Variants in KCNJ3 observed in about 807,000 individuals in gnomAD.
The protein encoded by KCNJ3 is G protein-activated inward rectifier potassium channel 1.
Under a neutral mutation model 39.2 loss-of-function variants are expected in KCNJ3, and 4 were observed. The observed-to-expected ratio is 0.10, with a 90% CI of 0.05 to 0.23. The LOEUF is 0.23. KCNJ3 is among the 10% of genes least tolerant of loss of function. The pLI, the probability that KCNJ3 is intolerant of heterozygous loss-of-function variation, is 1.00. For synonymous variants in KCNJ3, 230 were observed against 237.4 expected, an observed-to-expected ratio of 0.97 and a Z score of 0.29; for missense variants, 276 against 634.9, an observed-to-expected ratio of 0.43 and a Z score of 6.08.
At chr2:154,807,524 G>A (rs569338442) in intron 2 of KCNJ3, among the ~76,000 whole-genome samples, 28 of 152,286 alleles carry the variant, frequency 1.8e-4, no homozygotes, top group African/African-American at 6.5e-4. Context: ...GAGAACAGCA[G>A]TCTGACCTAT....
At chr2:154,848,655 A>AATT (rs1687703595) in intron 2 of KCNJ3, among the ~76,000 whole-genome samples, 1 of 152,172 alleles carries the variant, frequency 6.6e-6, no homozygotes. Flanking sequence ...TATCTCATAA[A>AATT]ATTATTCCAA....
chr2:154,826,532 TAA>T (rs1262666853), intron 2 of KCNJ3, among the ~76,000 whole-genome samples: 5 of 152,242 alleles, frequency 3.3e-5, no homozygotes, highest in Non-Finnish European at 5.9e-5. Context: ...TTCACATATA[TAA>T]TTTACTAAAA....
chr2:154,738,160 A>C (rs1471199109), intron 2 of KCNJ3, among the ~76,000 whole-genome samples: 1 of 152,114 alleles, frequency 6.6e-6, no homozygotes, highest in Non-Finnish European at 1.5e-5. Context: ...GTTAAGTGAA[A>C]CGAGCCAGGC....
intron 2 of KCNJ3, among the ~76,000 whole-genome samples, chr2:154,760,229 A>G (rs371673446): frequency 6.6e-6 from 1 of 152,104 alleles, no homozygotes; most frequent in South Asian, 2.1e-4. Context: ...CATTTTTCTG[A>G]TCCTAGTAAA....
chr2:154,723,796 A>AAATTTATT (rs1384154887), intron 2 of KCNJ3, among the ~76,000 whole-genome samples: 1 of 152,166 alleles, frequency 6.6e-6, no homozygotes, highest in Admixed American at 6.5e-5. Context: ...AAAAATACAA[A>AAATTTATT]AATTTATTTT....
At chr2:154,729,736 A>G (rs1685419817) in intron 2 of KCNJ3, among the ~76,000 whole-genome samples, 1 of 152,244 alleles carries the variant, frequency 6.6e-6, no homozygotes. Context: ...TACAGACTAC[A>G]TAAATCAATT....
At chr2:154,777,480 T>A (rs73005225) in intron 2 of KCNJ3, among the ~76,000 whole-genome samples, 1 of 152,326 alleles carries the variant, frequency 6.6e-6, no homozygotes, top group African/African-American at 2.4e-5. Flanking sequence ...CTTATCTTCC[T>A]TTTCTATCAA....
At chr2:154,712,696 G>C (rs997921817) in intron 2 of KCNJ3, among the ~76,000 whole-genome samples, 1 of 152,072 alleles carries the variant, frequency 6.6e-6, no homozygotes, top group African/African-American at 2.4e-5. Context: ...ATTGTGTTGC[G>C]GGGGGTGAGC....
chr2:154,820,876 A>C (rs1024613859), intron 2 of KCNJ3, among the ~76,000 whole-genome samples: 5 of 152,300 alleles, frequency 3.3e-5, no homozygotes, highest in African/African-American at 1.2e-4. Flanking sequence ...CCTGAATTTT[A>C]ATTTCTCCCT....
At chr2:154,720,699 G>T (rs531369411) in intron 2 of KCNJ3, among the ~76,000 whole-genome samples, 3 of 152,106 alleles carry the variant, frequency 2.0e-5, no homozygotes, top group Non-Finnish European at 4.4e-5. Flanking sequence ...GAATATGAGA[G>T]GGTAAGTGTG....
intron 2 of KCNJ3, among the ~76,000 whole-genome samples, chr2:154,771,629 G>A (rs1382643145): frequency 2.0e-5 from 3 of 152,088 alleles, no homozygotes; most frequent in African/African-American, 4.8e-5. Flanking sequence ...CTTAAACTCT[G>A]GACCAGTTAT....
chr2:154,753,063 T>G (rs1685875594), intron 2 of KCNJ3, among the ~76,000 whole-genome samples: 1 of 152,102 alleles, frequency 6.6e-6, no homozygotes, highest in Non-Finnish European at 1.5e-5. Flanking sequence ...TTGAAGCCTC[T>G]AATTCTCTCT....
At chr2:154,761,839 G>C (rs1452422841) in intron 2 of KCNJ3, among the ~76,000 whole-genome samples, 2 of 152,130 alleles carry the variant, frequency 1.3e-5, no homozygotes. Flanking sequence ...ACTCCTTAAA[G>C]ATGTCCAGGT....
At chr2:154,780,458 G>C (rs1346448139) in intron 2 of KCNJ3, among the ~76,000 whole-genome samples, 1 of 152,194 alleles carries the variant, frequency 6.6e-6, no homozygotes, top group African/African-American at 2.4e-5. Flanking sequence ...TGCATTATCA[G>C]TGTGAAGGGT....
intron 2 of KCNJ3, among the ~76,000 whole-genome samples, chr2:154,835,710 GT>G (rs1353340028): frequency 6.6e-6 from 1 of 151,502 alleles, no homozygotes; most frequent in Non-Finnish European, 1.5e-5. Flanking sequence ...TCCCTTCCTT[GT>G]TTAGACGTTA....
intron 2 of KCNJ3, among the ~76,000 whole-genome samples, chr2:154,779,936 A>G (rs1043519722): frequency 6.6e-6 from 1 of 152,056 alleles, no homozygotes; most frequent in Admixed American, 6.6e-5. Context: ...TGTTTGTACT[A>G]TTGTCTTGTT....
chr2:154,721,470 T>C (rs1685262388), intron 2 of KCNJ3, among the ~76,000 whole-genome samples: 1 of 152,174 alleles, frequency 6.6e-6, no homozygotes, highest in Non-Finnish European at 1.5e-5. Context: ...GTAGTACAAA[T>C]GCCAATTAAA....
At chr2:154,808,624 G>A (rs1471150629) in intron 2 of KCNJ3, among the ~76,000 whole-genome samples, 1 of 152,086 alleles carries the variant, frequency 6.6e-6, no homozygotes, top group African/African-American at 2.4e-5. Context: ...GCTGGCTTGA[G>A]GTTGTTTTTA....
intron 2 of KCNJ3, among the ~76,000 whole-genome samples, chr2:154,828,933 T>A (rs1021136543): frequency 6.6e-6 from 1 of 152,184 alleles, no homozygotes; most frequent in African/African-American, 2.4e-5. Flanking sequence ...TGTGCTCTTA[T>A]GGTATATAAC....
Sources: allele counts gnomAD v4.1 joint callset (sites outside exome capture counted in the v4.1 genomes callset), GRCh38; gene constraint gnomAD v4.1.1; transcripts MANE v1.5; gene names NCBI Gene and HGNC (gene_info 2026-07-23, HGNC 2026-07-21).